EEF2K: variants seen among roughly 807,000 people sequenced by gnomAD.
EEF2K encodes alternative protein EEF2K.
Under a neutral mutation model 93.8 loss-of-function variants are expected in EEF2K, and 70 were observed. That is an observed-to-expected ratio of 0.75 (90% CI 0.62 to 0.91). EEF2K has a LOEUF of 0.91. EEF2K is among the 40% of genes least tolerant of loss of function. The pLI, the probability that EEF2K is intolerant of heterozygous loss-of-function variation, is 0.00. For missense variants in EEF2K, 935 were observed against 972.9 expected (o/e 0.96, Z 0.52); for synonymous variants, 376 against 380.8 (o/e 0.99, Z 0.15).
chr16:22,218,550 G>A (rs1453165989), intron 1 of EEF2K, among the ~76,000 whole-genome samples: 2 of 152,280 alleles, frequency 1.3e-5, no homozygotes, highest in South Asian at 2.1e-4. Flanking sequence ...CTGCCAGATC[G>A]AGACCCAGTG....
intron 2 of EEF2K, among the ~76,000 whole-genome samples, chr16:22,242,704 G>A (rs1449978160): frequency 2.6e-5 from 4 of 152,024 alleles, no homozygotes; most frequent in African/African-American, 7.2e-5. Context: ...AGGGAAGGCC[G>A]GGAATGCCAG....
At position 22,257,696 on chromosome 16, in the gene EEF2K, G is replaced by A. The variant is rs747944345; in HGVS notation, c.955G>A (p.Glu319Lys). The change falls in exon 9 of 18, where the codon GAG becomes AAG. Residue 319 changes from glutamate (E) to lysine (K), a missense_variant. Physicochemically the swap from Glu to Lys is moderately conservative, Grantham distance 56. Coordinates refer to ENST00000263026, the MANE Select transcript of EEF2K (RefSeq NM_013302.5). ...CTCTCATGCCTGCAACCGGATTTGC[G>A]AGAGCATGGGCCTTGCTCCCTTTGA... ...FYSHACNRIC[E>K]SMGLAPFDLS... is the part of the protein sequence containing the mutation. 9.9e-6 allele frequency: 16 copies of A among 1,613,872 alleles called. No individual in the cohort carries two copies. The Admixed American group carries it at 1.0e-4, about 10-fold the overall frequency.
Position 22,264,865 on chromosome 16 carries a change from G to A in EEF2K, c.1425G>A (p.Leu475=). The change falls in exon 13 of 18, where the codon CTG becomes CTA. Residue 475 remains leucine, a synonymous_variant. Coordinates refer to ENST00000263026, the MANE Select transcript of EEF2K (RefSeq NM_013302.5). ...AGTACGAGTCTGACGAAGACAGCCT[G>A]GGCAGCTCTGGACGGGTAATGCGCC... ...NRKYESDEDS[L]GSSGRVCVEK... 6 of 1,613,996 alleles carry A rather than the reference G, an allele frequency of 3.7e-6. No individual in the cohort carries two copies. The highest frequency in any genetic ancestry group is 5.1e-6 in the Non-Finnish European group (6 of 1,179,974).
intron 3 of EEF2K, among the ~76,000 whole-genome samples, chr16:22,247,975 C>T (rs950405192): frequency 6.6e-5 from 10 of 152,146 alleles, no homozygotes; most frequent in Non-Finnish European, 1.2e-4. Context: ...GTTACGGAGA[C>T]CAGTTATGAT....
intron 6 of EEF2K, among the ~76,000 whole-genome samples, chr16:22,255,019 C>A (rs1037420689): frequency 6.6e-6 from 1 of 152,112 alleles, no homozygotes; most frequent in Non-Finnish European, 1.5e-5. Context: ...TGCAGTGAGC[C>A]AAGATCGTGC....
intron 15 of EEF2K, among the ~76,000 whole-genome samples, chr16:22,269,275 G>A (rs2047553914): frequency 6.6e-6 from 1 of 152,016 alleles, no homozygotes; most frequent in African/African-American, 2.4e-5. Context: ...AGCGTTCTTG[G>A]CTTGGCTCAC....
At chr16:22,231,285 T>TA (rs2047112457) in intron 2 of EEF2K, among the ~76,000 whole-genome samples, 1 of 151,822 alleles carries the variant, frequency 6.6e-6, no homozygotes, top group Admixed American at 6.6e-5. Flanking sequence ...TTTATTTATT[T>TA]TTTGTATATT....
intron 2 of EEF2K, among the ~76,000 whole-genome samples, chr16:22,242,550 G>A (rs942639127): frequency 5.9e-5 from 9 of 151,866 alleles, no homozygotes; most frequent in Admixed American, 1.3e-4. Context: ...GACCTTGGAT[G>A]ATCCATCTGC....
chr16:22,274,305 C>G (rs922641455), intron 16 of EEF2K, among the ~76,000 whole-genome samples: 1 of 151,764 alleles, frequency 6.6e-6, no homozygotes. Context: ...AAAAGCTGGC[C>G]TGGTGGCACA....
intron 13 of EEF2K, chr16:22,265,171 A>G: frequency 3.2e-6 from 1 of 309,322 alleles, no homozygotes; most frequent in Non-Finnish European, 6.1e-6. Flanking sequence ...GGCACTTCGC[A>G]GTAATCAGTT....
At chr16:22,266,296 C>T in intron 13 of EEF2K, 94 bp from the exon 14 acceptor site, 1 of 1,502,884 alleles carries the variant, frequency 6.7e-7, no homozygotes, top group East Asian at 2.3e-5. Flanking sequence ...CCATCTCCCT[C>T]CAGCCAGGCT....
At chr16:22,256,477 C>G (rs2047400161) in intron 6 of EEF2K, among the ~76,000 whole-genome samples, 1 of 152,168 alleles carries the variant, frequency 6.6e-6, no homozygotes, top group African/African-American at 2.4e-5. Context: ...TCAACTGATT[C>G]ACCTGCCTCA....
Position 22,266,789 on chromosome 16 carries a change from C to T in EEF2K, c.1677C>T (p.Ala559=). The change falls in exon 15 of 18, where the codon GCC becomes GCT. Residue 559 remains alanine, a synonymous_variant. Transcript: ENST00000263026. ...CTGTCTTCCACCTGGAGCACGCAGC[C>T]AACCTGGGCGAGCTGGAGGCCATCG... is the stretch of plus-strand genomic sequence containing the variant. The part of the protein sequence containing the change: ...ESAVFHLEHA[A]NLGELEAIVG... 1 of 1,614,224 alleles carries T rather than the reference C, an allele frequency of 6.2e-7. No homozygotes were observed. The highest frequency in any genetic ancestry group is 1.1e-5 in the South Asian group (1 of 91,084).
chr16:22,269,982 G>A (rs1009989082), intron 15 of EEF2K, among the ~76,000 whole-genome samples: 1 of 147,992 alleles, frequency 6.8e-6, no homozygotes, highest in Non-Finnish European at 1.5e-5. Flanking sequence ...ATTTGAGACA[G>A]AATCTCGCTC....
intron 1 of EEF2K, among the ~76,000 whole-genome samples, chr16:22,213,748 GC>G (rs1194168059): frequency 2.0e-5 from 3 of 152,074 alleles, no homozygotes; most frequent in African/African-American, 7.2e-5. Flanking sequence ...TGGGCTCCTG[GC>G]CCCTCCCTTC....
intron 2 of EEF2K, among the ~76,000 whole-genome samples, chr16:22,230,395 G>A (rs964533719): frequency 2.9e-4 from 44 of 152,028 alleles, no homozygotes; most frequent in African/African-American, 7.7e-4. Context: ...TGTATTTTTC[G>A]TAGAGATAGG....
Position 22,229,562 on chromosome 16 carries a change from C to T in EEF2K, c.246+3587C>T, listed in dbSNP as rs963733897. On this transcript the variant is annotated intron_variant, in intron 2 of 17. Transcript: ENST00000263026. ...TACGAAAACACAAAAATTAGCCGGG[C>T]GTGTTGGTGCCACCTGTGGTCCCAG... Among the ~76,000 whole-genome samples, 6 of 152,070 alleles carry T rather than the reference C, an allele frequency of 3.9e-5. 1 individual carries two copies. The highest frequency in any genetic ancestry group is 4.1e-4 in the South Asian group (2 of 4,828).
At chr16:22,209,146 A>G (rs985522604) in intron 1 of EEF2K, among the ~76,000 whole-genome samples, 1 of 152,140 alleles carries the variant, frequency 6.6e-6, no homozygotes, top group Non-Finnish European at 1.5e-5. Flanking sequence ...TTCCTGCCTC[A>G]GCCTCTTGAG....
At chr16:22,206,874 G>C (rs984449630) in intron 1 of EEF2K, among the ~76,000 whole-genome samples, 195 bp downstream of exon 1, 1 of 152,210 alleles carries the variant, frequency 6.6e-6, no homozygotes, top group African/African-American at 2.4e-5. Flanking sequence ...TGCTTGCTTT[G>C]GAGAAATGGG....
Sources: gnomAD v4.1 joint callset for allele counts (sites outside exome capture counted in the v4.1 genomes callset) on GRCh38, gnomAD v4.1.1 for gene constraint, MANE v1.5 for transcripts, NCBI Gene and HGNC (gene_info 2026-07-23, HGNC 2026-07-21) for gene names.